Variants in PTPRD observed in about 807,000 individuals in gnomAD.
PTPRD encodes receptor-type tyrosine-protein phosphatase delta.
Under a neutral mutation model 214.5 loss-of-function variants are expected in PTPRD, and 34 were observed. That is an observed-to-expected ratio of 0.16 (90% CI 0.12 to 0.21). The LOEUF (loss-of-function observed/expected upper bound fraction) is 0.21. Ranked by LOEUF, PTPRD falls within the 10% of genes least tolerant of loss-of-function variation. The probability of loss-of-function intolerance (pLI) is 1.00; values close to 1 mark genes in which losing one functional copy is unlikely to be tolerated. For synonymous variants in PTPRD, 1,128 were observed against 845.7 expected, an observed-to-expected ratio of 1.33 and a Z score of -5.79; for missense variants, 2,545 against 2,398.7, an observed-to-expected ratio of 1.06 and a Z score of -1.27.
intron 5 of PTPRD, among the ~76,000 whole-genome samples, chr9:9,869,970 G>A (rs549181441): frequency 1.2e-4 from 19 of 152,092 alleles, no homozygotes; most frequent in South Asian, 6.2e-4. Context: ...ACTGTAGCAT[G>A]TGTATATATG....
chr9:8,970,957 G>A (rs2099234640), intron 11 of PTPRD, among the ~76,000 whole-genome samples: 4 of 151,246 alleles, frequency 2.6e-5, no homozygotes, highest in Non-Finnish European at 4.4e-5. Context: ...AGAATTAACC[G>A]GAGATATGTT....
At chr9:8,986,829 A>C (rs1237636456) in intron 11 of PTPRD, among the ~76,000 whole-genome samples, 5 of 152,102 alleles carry the variant, frequency 3.3e-5, no homozygotes. Flanking sequence ...TGCCCATCTC[A>C]AGCCACTCTT....
At chr9:9,600,359 A>C (rs1207102686) in intron 7 of PTPRD, among the ~76,000 whole-genome samples, 1 of 152,006 alleles carries the variant, frequency 6.6e-6, no homozygotes, top group African/African-American at 2.4e-5. Flanking sequence ...AACTGTAATA[A>C]ATTATTTTCC....
At chr9:9,208,785 A>G (rs964894539) in intron 9 of PTPRD, among the ~76,000 whole-genome samples, 1 of 152,062 alleles carries the variant, frequency 6.6e-6, no homozygotes, top group Non-Finnish European at 1.5e-5. Flanking sequence ...ACAAAGAAGA[A>G]AGAAACCCAG....
intron 5 of PTPRD, among the ~76,000 whole-genome samples, chr9:9,930,865 T>G (rs1246567353): frequency 3.3e-5 from 5 of 152,116 alleles, no homozygotes; most frequent in East Asian, 1.9e-4. Context: ...TGGTTACCCT[T>G]GAAGTCCCTA....
intron 2 of PTPRD, among the ~76,000 whole-genome samples, chr9:10,536,121 A>G (rs1307212962): frequency 3.3e-5 from 5 of 152,164 alleles, no homozygotes; most frequent in African/African-American, 4.8e-5. Flanking sequence ...ATCCTAATCC[A>G]TAGAGCCAAA....
intron 2 of PTPRD, among the ~76,000 whole-genome samples, chr9:10,442,160 A>G (rs997603566): frequency 1.3e-5 from 2 of 151,698 alleles, no homozygotes; most frequent in African/African-American, 4.8e-5. Context: ...AATACCTTAA[A>G]TGCAGAATTT....
At chr9:8,992,224 T>A (rs1172314166) in intron 11 of PTPRD, among the ~76,000 whole-genome samples, 1 of 152,164 alleles carries the variant, frequency 6.6e-6, no homozygotes, top group Non-Finnish European at 1.5e-5. Context: ...TGTAAACATA[T>A]CAAACTGTAA....
intron 28 of PTPRD, 136 bp from the exon 29 acceptor site, chr9:8,485,460 T>C (rs1456010772): frequency 4.6e-6 from 3 of 657,728 alleles, no homozygotes; most frequent in Non-Finnish European, 7.8e-6. Context: ...TTCCTACCTG[T>C]TTAGAGCATT....
intron 5 of PTPRD, among the ~76,000 whole-genome samples, chr9:9,838,829 G>A: frequency 6.6e-6 from 1 of 152,118 alleles, no homozygotes; most frequent in Non-Finnish European, 1.5e-5. Flanking sequence ...TTTTAGACAT[G>A]AAGTCCTTGC....
At chr9:10,218,256 AAACAAATGAAAAATCC>A (rs1450275707) in intron 3 of PTPRD, among the ~76,000 whole-genome samples, 1 of 151,944 alleles carries the variant, frequency 6.6e-6, no homozygotes, top group African/African-American at 2.4e-5. Flanking sequence ...GCAAGCACAC[AAACAAATGAAAAATCC>A]AAACAGTAAA....
chr9:9,619,865 C>A (rs1391176969), intron 7 of PTPRD, among the ~76,000 whole-genome samples: 2 of 146,774 alleles, frequency 1.4e-5, no homozygotes, highest in African/African-American at 5.0e-5. Flanking sequence ...ATAGAAACAT[C>A]TATATATAAT....
At chr9:10,203,197 T>C (rs542478032) in intron 3 of PTPRD, among the ~76,000 whole-genome samples, 51 of 150,430 alleles carry the variant, frequency 3.4e-4, no homozygotes, top group African/African-American at 1.2e-3. Context: ...TAATGTGAAT[T>C]GTGAGTTTCT....
intron 5 of PTPRD, among the ~76,000 whole-genome samples, chr9:9,906,293 T>C (rs7856898): frequency 1 from 151,654 of 152,088 alleles, 75,610 homozygotes; most frequent in East Asian, 1. Context: ...ATGTGAGAAG[T>C]GTGCTTTTTT....
intron 10 of PTPRD, among the ~76,000 whole-genome samples, chr9:9,170,943 G>C (rs778103165): frequency 6.6e-6 from 1 of 152,136 alleles, no homozygotes; most frequent in East Asian, 1.9e-4. Context: ...GGTGACTGTG[G>C]TGCTTTCAAA....
chr9:9,766,490 T>G (rs1002007874), intron 6 of PTPRD, among the ~76,000 whole-genome samples: 3 of 152,210 alleles, frequency 2.0e-5, no homozygotes, highest in Non-Finnish European at 4.4e-5. Flanking sequence ...TAATTTCATC[T>G]TCAGAGTCAT....
At chr9:10,347,706 G>A (rs1212111757) in intron 2 of PTPRD, among the ~76,000 whole-genome samples, 3 of 151,618 alleles carry the variant, frequency 2.0e-5, no homozygotes, top group South Asian at 2.1e-4. Flanking sequence ...CACTGCACCC[G>A]GCCAGCTATT....
At chr9:8,916,811 TA>T (rs1359631697) in intron 11 of PTPRD, among the ~76,000 whole-genome samples, 3 of 152,174 alleles carry the variant, frequency 2.0e-5, no homozygotes, top group Non-Finnish European at 4.4e-5. Flanking sequence ...CAACGAGCTA[TA>T]AAATGAATTC....
At chr9:10,424,296 G>T (rs535055362) in intron 2 of PTPRD, among the ~76,000 whole-genome samples, 2 of 150,554 alleles carry the variant, frequency 1.3e-5, no homozygotes, top group Non-Finnish European at 3.0e-5. Flanking sequence ...AATAAAGCTT[G>T]ATAATATGGT....
Sources: allele counts gnomAD v4.1 joint callset (sites outside exome capture counted in the v4.1 genomes callset), GRCh38; gene constraint gnomAD v4.1.1; transcripts MANE v1.5; gene names NCBI Gene and HGNC (gene_info 2026-07-23, HGNC 2026-07-21).